The following GJB7 variants were observed in gnomAD, a reference collection of about 807,000 sequenced individuals.
The protein encoded by GJB7 is gap junction protein beta 7.
For missense variants in GJB7, 253 were observed against 256.8 expected, an observed-to-expected ratio of 0.99 and a Z score of 0.10; for synonymous variants, 87 against 95.2, an observed-to-expected ratio of 0.91 and a Z score of 0.50.
intron 2 of GJB7, among the ~76,000 whole-genome samples, chr6:87,291,264 C>T (rs1307152305): frequency 6.6e-6 from 1 of 152,004 alleles, no homozygotes; most frequent in Non-Finnish European, 1.5e-5. Flanking sequence ...GCATAAGAGC[C>T]ATAAATCTAC....
chr6:87,298,378 T>C (rs1776275519), intron 2 of GJB7, among the ~76,000 whole-genome samples: 2 of 152,126 alleles, frequency 1.3e-5, no homozygotes, highest in Non-Finnish European at 2.9e-5. Context: ...TACTGTCAGG[T>C]TGAGGACTGA....
intron 2 of GJB7, among the ~76,000 whole-genome samples, chr6:87,295,857 A>C (rs1776242785): frequency 1.3e-5 from 2 of 152,202 alleles, no homozygotes; most frequent in South Asian, 4.1e-4. Flanking sequence ...CATGTCCAAG[A>C]AATGTTTTGA....
chr6:87,308,461 A>G (rs937052427), intron 2 of GJB7, among the ~76,000 whole-genome samples: 5 of 152,248 alleles, frequency 3.3e-5, no homozygotes, highest in African/African-American at 9.6e-5. Context: ...ATTAACTGAA[A>G]AAAGATTTAT....
rs142172046 is a variant in GJB7 at position 87,301,666 on chromosome 6, C to A, written c.-27-16727G>T. Among the ~76,000 whole-genome samples, 4 of 152,314 alleles carry A rather than the reference C, an allele frequency of 2.6e-5. No individual in the cohort carries two copies. The East Asian group carries it at 7.7e-4, about 29-fold the overall frequency. ...TGCAGACTTAAATGTCCCTGTCTGA[C>A]AGCTTTGAAGAGAGTAATCGTTCTC... On this transcript the variant is annotated intron_variant, in intron 2 of 2. Coordinates refer to ENST00000525899, the MANE Select transcript of GJB7 (RefSeq NM_198568.3).
intron 2 of GJB7, among the ~76,000 whole-genome samples, chr6:87,290,660 C>T (rs1229139400): frequency 6.6e-6 from 1 of 152,184 alleles, no homozygotes; most frequent in Non-Finnish European, 1.5e-5. Flanking sequence ...CATTTCTGCA[C>T]TCATATTTAT....
chr6:87,285,142 A>G (rs1028638096), intron 2 of GJB7, among the ~76,000 whole-genome samples: 2 of 152,182 alleles, frequency 1.3e-5, no homozygotes, highest in Non-Finnish European at 2.9e-5. Flanking sequence ...AATTAATCCC[A>G]TGTCCACTTT....
chr6:87,325,816 G>C (rs552747470), intron 1 of GJB7, among the ~76,000 whole-genome samples: 2 of 152,150 alleles, frequency 1.3e-5, no homozygotes, highest in Non-Finnish European at 2.9e-5. Context: ...TTTTTCTATT[G>C]ATTGGAATAG....
In GJB7 at chr6:87,294,935, G is replaced by A. The variant is rs116581236; in HGVS notation, c.-27-9996C>T. On this transcript the variant is annotated intron_variant, in intron 2 of 2. Transcript: ENST00000525899. ...GACTTATTTCTTACTTAACTTCGTA[G>A]CCTTGCTCAAGATGCTTGACTTCTC... Among the ~76,000 whole-genome samples, 548 of 152,232 alleles carry A rather than the reference G, an allele frequency of 3.6e-3. 2 individuals carry two copies. Among genetic ancestry groups the A allele is most frequent in the African/African-American group, 0.013 (527 of 41,528 alleles).
chr6:87,302,237 A>T (rs422086), intron 2 of GJB7, among the ~76,000 whole-genome samples: 6 of 152,060 alleles, frequency 3.9e-5, no homozygotes, highest in Admixed American at 2.0e-4. Flanking sequence ...TCCAAGCTAA[A>T]GGAGGAAGTT....
At chr6:87,313,980 G>A (rs1256326605) in intron 2 of GJB7, among the ~76,000 whole-genome samples, 2 of 152,164 alleles carry the variant, frequency 1.3e-5, no homozygotes, top group East Asian at 1.9e-4. Flanking sequence ...GGATGTTTTG[G>A]ACCAATTGAC....
At chr6:87,305,935 C>T (rs1776420119) in intron 2 of GJB7, among the ~76,000 whole-genome samples, 1 of 152,044 alleles carries the variant, frequency 6.6e-6, no homozygotes. Flanking sequence ...GAAAGGATTC[C>T]CTATTTAATA....
intron 2 of GJB7, among the ~76,000 whole-genome samples, chr6:87,296,895 G>T (rs1776255223): frequency 6.6e-6 from 1 of 152,140 alleles, no homozygotes; most frequent in South Asian, 2.1e-4. Context: ...CCAACTCTTT[G>T]CAGGGGCTGA....
At chr6:87,326,958 G>A (rs1776837830) in intron 1 of GJB7, among the ~76,000 whole-genome samples, 1 of 110,096 alleles carries the variant, frequency 9.1e-6, no homozygotes, top group South Asian at 2.9e-4. Context: ...CTCCTGTATT[G>A]GGTGCATATA....
chr6:87,314,049 C>G (rs1776547170), intron 2 of GJB7, among the ~76,000 whole-genome samples: 1 of 152,210 alleles, frequency 6.6e-6, no homozygotes, highest in African/African-American at 2.4e-5. Context: ...TGGGACATCT[C>G]CCCTAAATAG....
chr6:87,305,832 T>C (rs1364431303), intron 2 of GJB7, among the ~76,000 whole-genome samples: 1 of 152,102 alleles, frequency 6.6e-6, no homozygotes, highest in Non-Finnish European at 1.5e-5. Flanking sequence ...AACAGAGATA[T>C]AGACCAATGG....
chr6:87,304,212 C>T (rs1399327551), intron 2 of GJB7, among the ~76,000 whole-genome samples: 1 of 151,996 alleles, frequency 6.6e-6, no homozygotes, highest in East Asian at 1.9e-4. Flanking sequence ...ACAAAAAAAA[C>T]CCTTCAAAAA....
intron 2 of GJB7, among the ~76,000 whole-genome samples, chr6:87,293,348 C>A (rs1776207170): frequency 6.6e-6 from 1 of 152,130 alleles, no homozygotes; most frequent in Admixed American, 6.5e-5. Flanking sequence ...TTTTTTTAAT[C>A]ATCAATTTAT....
At chr6:87,314,203 A>G (rs982163694) in intron 2 of GJB7, among the ~76,000 whole-genome samples, 3 of 152,192 alleles carry the variant, frequency 2.0e-5, no homozygotes, top group African/African-American at 7.2e-5. Context: ...AGGCCATTAG[A>G]ACATTGATAC....
chr6:87,296,683 AAGAG>A (rs1250064875), intron 2 of GJB7, among the ~76,000 whole-genome samples: 3 of 152,226 alleles, frequency 2.0e-5, no homozygotes, highest in African/African-American at 7.2e-5. Flanking sequence ...CTTGGAGGGA[AAGAG>A]AGAAAGGATT....
Sources: allele counts gnomAD v4.1 joint callset (sites outside exome capture counted in the v4.1 genomes callset), GRCh38; gene constraint gnomAD v4.1.1; transcripts MANE v1.5; gene names NCBI Gene and HGNC (gene_info 2026-07-23, HGNC 2026-07-21).